The following CEP104 variants were observed in gnomAD, a reference collection of about 807,000 sequenced individuals.
CEP104 encodes centrosomal protein of 104 kDa.
CEP104 carries 84 observed loss-of-function variants against 113.3 expected under a neutral mutation model. The ratio of observed to expected loss-of-function variants is 0.74; its 90% CI spans 0.62 to 0.89. CEP104 has a LOEUF of 0.89. Among genes scored for constraint, CEP104 ranks in the 40% least tolerant of loss-of-function variants. CEP104 has a pLI of 0.00. For missense variants in CEP104, 1,053 were observed against 1,156.6 expected (o/e 0.91, Z 1.30); for synonymous variants, 378 against 421.7 (o/e 0.90, Z 1.27).
Position 3,823,286 on chromosome 1 carries a change from C to A in CEP104, c.2504-45G>T, listed in dbSNP as rs371214393. 6.2e-7 allele frequency: 1 copy of A among 1,611,816 alleles called. No homozygotes were observed. The highest frequency in any genetic ancestry group is 1.7e-5 in the Admixed American group (1 of 60,012). ...ACTCAGTCGCTCCCTGAATGACAGG[C>A]GACAAGACATGCTGCTGGCCTGCCC... On this transcript the variant is annotated intron_variant, in intron 19 of 21. Transcript: ENST00000378230. This position sits in a 1 kb window ranked among gnomAD's most constrained non-coding sequence, Gnocchi z 4.1.
At chr1:3,848,905 A>G in intron 2 of CEP104, 124 bp from the exon 3 acceptor site, 2 of 686,602 alleles carry the variant, frequency 2.9e-6, no homozygotes, top group Non-Finnish European at 4.8e-6. Context: ...AACAGTCTGT[A>G]GGTACTGATG....
intron 20 of CEP104, among the ~76,000 whole-genome samples, chr1:3,818,369 C>T (rs1468126410): frequency 6.6e-6 from 1 of 152,262 alleles, no homozygotes; most frequent in African/African-American, 2.4e-5. Flanking sequence ...TTTAACTCCA[C>T]AGCTCCAGGC....
intron 4 of CEP104, among the ~76,000 whole-genome samples, 187 bp from the exon 5 acceptor site, chr1:3,845,538 T>C (rs1644491251): frequency 6.6e-6 from 1 of 152,164 alleles, no homozygotes; most frequent in Non-Finnish European, 1.5e-5. Context: ...CCCTGGTAGC[T>C]GGGACTACAG....
At chr1:3,818,720 C>G (rs1283916344) in intron 20 of CEP104, among the ~76,000 whole-genome samples, 3 of 152,230 alleles carry the variant, frequency 2.0e-5, no homozygotes, top group Non-Finnish European at 4.4e-5. Context: ...AGAGGAGGTT[C>G]TCACCTTTTA....
At position 3,815,525 on chromosome 1, in the gene CEP104, G is replaced by T. The variant is rs1285023872; in HGVS notation, c.2663-8C>A. Reference sequence around the variant, plus strand: ...CCACAGCTGAGCTTTTCCCTGCAGAGCAAGCACAGGACCTGCATTAGGAGG... The same window carrying T: ...CCACAGCTGAGCTTTTCCCTGCAGATCAAGCACAGGACCTGCATTAGGAGG... On this transcript the variant is annotated splice_region_variant and splice_polypyrimidine_tract_variant and intron_variant, in intron 21 of 21. Coordinates refer to ENST00000378230, the MANE Select transcript of CEP104 (RefSeq NM_014704.4). The T allele has an allele frequency of 1.9e-6, 3 of 1,582,814 alleles. No individual in the cohort carries two copies. The highest frequency in any genetic ancestry group is 3.5e-5 in the Admixed American group (2 of 56,708).
intron 10 of CEP104, 72 bp from the exon 11 acceptor site, chr1:3,835,164 G>GTT (rs34966926): frequency 3.3e-3 from 3,311 of 1,005,496 alleles, no homozygotes; most frequent in Middle Eastern, 4.8e-3. Flanking sequence ...TGAAGGCTTT[G>GTT]TTTTTTTTTT....
intron 14 of CEP104, 51 bp downstream of exon 14, chr1:3,829,740 G>C: frequency 9.7e-6 from 15 of 1,551,226 alleles, no homozygotes; most frequent in Non-Finnish European, 1.3e-5. Flanking sequence ...GAGTAACTGA[G>C]TAACTTCTTC....
At chr1:3,837,593 T>C (rs1381761783) in intron 8 of CEP104, 74 bp from the exon 9 acceptor site, 2 of 1,275,748 alleles carry the variant, frequency 1.6e-6, no homozygotes. Context: ...TTCCTTCAGA[T>C]GAATAAGACT....
chr1:3,843,374 TAA>T, intron 6 of CEP104: 2 of 435,844 alleles, frequency 4.6e-6, no homozygotes, highest in Non-Finnish European at 8.2e-6. Context: ...AAAATATGTA[TAA>T]TTTTTTTTTT....
At position 3,852,329 on chromosome 1, in the gene CEP104, G is replaced by A. The variant is rs754461778; in HGVS notation, c.79C>T (p.His27Tyr). Residue 27 changes from histidine (H) to tyrosine (Y), a missense_variant, in exon 2 of 22, where the codon CAC becomes TAC. His to Tyr is a moderately conservative substitution (Grantham distance 83, BLOSUM62 2). Coordinates refer to ENST00000378230, the MANE Select transcript of CEP104 (RefSeq NM_014704.4). ...DGFSARELMI[H>Y]APTVSGWRSP... The stretch of plus-strand genomic sequence containing the variant: ...CGCCACCCACTGACAGTTGGCGCGT[G>A]GATCATGAGCTCCCGGGCACTGAAG... 6.2e-6 allele frequency: 10 copies of A among 1,614,058 alleles called. No individual in the cohort carries two copies. Among genetic ancestry groups the A allele is most frequent in the East Asian group, 2.2e-5 (1 of 44,892 alleles).
intron 7 of CEP104, 38 bp from the exon 8 acceptor site, chr1:3,839,157 G>C (rs1380557925): frequency 6.3e-7 from 1 of 1,583,246 alleles, no homozygotes; most frequent in South Asian, 1.1e-5. Flanking sequence ...TTCAAATTTG[G>C]ATCAACTCAC....
In CEP104 at chr1:3,852,338, G is replaced by A. The variant is rs1213109254; in HGVS notation, c.70C>T (p.Leu24Phe). The change falls in exon 2 of 22, where the codon CTC becomes TTC. Residue 24 changes from leucine (L) to phenylalanine (F), a missense_variant. Coordinates refer to ENST00000378230, the MANE Select transcript of CEP104 (RefSeq NM_014704.4). ...CTGACAGTTGGCGCGTGGATCATGA[G>A]CTCCCGGGCACTGAAGCCGTCTTCG... ...GHEDGFSARELMIHAPTVSGW... is the reference protein window; with the variant it reads ...GHEDGFSAREFMIHAPTVSGW... The A allele has an allele frequency of 6.2e-7, 1 of 1,614,094 alleles. No individual in the cohort carries two copies. Among genetic ancestry groups the A allele is most frequent in the Non-Finnish European group, 8.5e-7 (1 of 1,180,016 alleles).
In CEP104 at chr1:3,839,741, G is replaced by T; in HGVS notation, c.602C>A (p.Ala201Asp). The change falls in exon 7 of 22, where the codon GCT (alanine) becomes GAT (aspartate). Residue 201 changes from alanine to aspartate, a missense_variant. By Grantham distance (126) the Ala-to-Asp change is moderately radical (BLOSUM62 -2). Coordinates refer to ENST00000378230, the MANE Select transcript of CEP104 (RefSeq NM_014704.4). ...SDYISPLDDL[A>D]FDMYQDPEVA... The stretch of plus-strand genomic sequence containing the variant: ...TTCTGGATCTTGGTACATATCAAAA[G>T]CTAAGTCATCTAGCGGAGAGATATA... 6.2e-7 allele frequency: 1 copy of T among 1,612,816 alleles called. No homozygotes were observed. The highest frequency in any genetic ancestry group is 8.5e-7 in the Non-Finnish European group (1 of 1,179,686).
intron 1 of CEP104, among the ~76,000 whole-genome samples, chr1:3,853,645 T>C (rs1235464242): frequency 6.6e-6 from 1 of 152,244 alleles, no homozygotes; most frequent in Admixed American, 6.5e-5. Context: ...TTATTGCTAA[T>C]GTTTCTTGGA....
chr1:3,820,811 G>A (rs945038909), intron 20 of CEP104, among the ~76,000 whole-genome samples: 6 of 152,150 alleles, frequency 3.9e-5, no homozygotes, highest in Non-Finnish European at 7.4e-5. Context: ...CGGTGCAGGT[G>A]CCACTGTGCT....
At chr1:3,836,468 GT>G (rs36051675) in intron 10 of CEP104, 26 bp downstream of exon 10, 55,947 of 990,328 alleles carry the variant, frequency 0.056, 2 homozygotes, top group East Asian at 0.079. Flanking sequence ...CTGCCACCCC[GT>G]TTTTTTTTTT....
chr1:3,843,254 G>GGTC (rs1364788594), intron 6 of CEP104: 2 of 711,872 alleles, frequency 2.8e-6, no homozygotes, highest in Non-Finnish European at 5.2e-6. Context: ...GGACAGAGAG[G>GGTC]GTGACCGAGG....
At chr1:3,837,554 C>T (rs1215398427) in intron 8 of CEP104, 35 bp from the exon 9 acceptor site, 1 of 1,541,864 alleles carries the variant, frequency 6.5e-7, no homozygotes, top group Non-Finnish European at 9.0e-7. Flanking sequence ...ATTTCAAATG[C>T]CACTGCCACG....
Position 3,843,039 on chromosome 1 carries a change from C to G in CEP104, c.566+1868G>C, listed in dbSNP as rs1160026173. 1.6e-5 allele frequency: 8 copies of G among 488,222 alleles called. No homozygotes were observed. The East Asian group carries it at 2.7e-4, about 16-fold the overall frequency. 30.2% of individuals were successfully genotyped at this position (488,222 alleles called of 1,614,324 possible). A position where few individuals can be genotyped will look rare whatever the true frequency, so the allele number is the denominator to read the frequency against. ...CTGACCTCAAGTGATCTGCCCAACT[C>G]AGCCTCCCAAAGTGCTGGGATTACA... On this transcript the variant is annotated intron_variant, in intron 6 of 21. Transcript: ENST00000378230.
Sources: gnomAD v4.1 joint callset for allele counts (sites outside exome capture counted in the v4.1 genomes callset) on GRCh38, gnomAD v4.1.1 for gene constraint, Gnocchi (gnomAD v3.1) non-coding constraint, MANE v1.5 for transcripts, NCBI Gene and HGNC (gene_info 2026-07-23, HGNC 2026-07-21) for gene names.